PLEKHM3: variants seen among roughly 807,000 people sequenced by gnomAD.
PLEKHM3 encodes pleckstrin homology domain-containing family M member 3.
Under a neutral mutation model 81.8 loss-of-function variants are expected in PLEKHM3, and 45 were observed. The observed-to-expected ratio is 0.55, with a 90% CI of 0.43 to 0.71. The LOEUF (loss-of-function observed/expected upper bound fraction) is 0.71, where lower values mean the gene tolerates loss of function less well. Among genes scored for constraint, PLEKHM3 ranks in the 30% least tolerant of loss-of-function variants. The pLI is 0.00. For synonymous variants in PLEKHM3, 352 were observed against 356.4 expected, an observed-to-expected ratio of 0.99 and a Z score of 0.14; for missense variants, 788 against 924.3, an observed-to-expected ratio of 0.85 and a Z score of 1.91.
At chr2:207,865,804 A>AAATATATG (rs2092496318) in intron 6 of PLEKHM3, among the ~76,000 whole-genome samples, 1 of 30,924 alleles carries the variant, frequency 3.2e-5, no homozygotes, top group Non-Finnish European at 5.9e-5. Context: ...AAAAAAAAAG[A>AAATATATG]TATATATATA....
intron 6 of PLEKHM3, among the ~76,000 whole-genome samples, chr2:207,877,753 A>G (rs1467991120): frequency 6.6e-6 from 1 of 152,210 alleles, no homozygotes; most frequent in Non-Finnish European, 1.5e-5. Flanking sequence ...TGAAGCTACT[A>G]CTGTCTTATC....
At chr2:207,943,741 G>A (rs1484726662) in intron 4 of PLEKHM3, among the ~76,000 whole-genome samples, 2 of 150,512 alleles carry the variant, frequency 1.3e-5, no homozygotes, top group Admixed American at 6.6e-5. Context: ...AGTGGCGGGC[G>A]CCTGTAGTCC....
chr2:207,933,003 A>T (rs1689641824), intron 4 of PLEKHM3, among the ~76,000 whole-genome samples: 1 of 152,236 alleles, frequency 6.6e-6, no homozygotes, highest in Admixed American at 6.5e-5. Flanking sequence ...GCAAAAAAAT[A>T]CATCATTTAA....
intron 3 of PLEKHM3, among the ~76,000 whole-genome samples, chr2:207,959,118 T>A (rs1175782839): frequency 1.3e-5 from 2 of 152,198 alleles, no homozygotes; most frequent in Non-Finnish European, 2.9e-5. Flanking sequence ...AACATATTTT[T>A]AAAATCTTTA....
chr2:208,002,746 C>G (rs1330812650), intron 1 of PLEKHM3, among the ~76,000 whole-genome samples: 1 of 152,098 alleles, frequency 6.6e-6, no homozygotes, highest in Non-Finnish European at 1.5e-5. Context: ...CACTAGATTA[C>G]CAAGACCAGG....
At chr2:207,881,620 C>G (rs961404070) in intron 6 of PLEKHM3, among the ~76,000 whole-genome samples, 1 of 152,144 alleles carries the variant, frequency 6.6e-6, no homozygotes, top group Non-Finnish European at 1.5e-5. Context: ...CTTTTATAAT[C>G]AAGAAAAAAC....
At chr2:208,017,019 T>A (rs1329313249) in intron 1 of PLEKHM3, among the ~76,000 whole-genome samples, 3 of 152,198 alleles carry the variant, frequency 2.0e-5, no homozygotes, top group Non-Finnish European at 4.4e-5. Flanking sequence ...ACTTACAATA[T>A]CTATTACAGT....
At chr2:208,010,205 A>T (rs978224564) in intron 1 of PLEKHM3, among the ~76,000 whole-genome samples, 1 of 152,228 alleles carries the variant, frequency 6.6e-6, no homozygotes, top group Admixed American at 6.5e-5. Context: ...GCACATGTTT[A>T]TTGTTTGCCA....
intron 2 of PLEKHM3, among the ~76,000 whole-genome samples, chr2:207,996,950 CA>C (rs1356746800): frequency 6.6e-6 from 1 of 150,750 alleles, no homozygotes; most frequent in African/African-American, 2.4e-5. Context: ...TGTTTTAACC[CA>C]TTTAATGCTC....
At chr2:207,905,991 C>T (rs1452610269) in intron 6 of PLEKHM3, among the ~76,000 whole-genome samples, 1 of 152,186 alleles carries the variant, frequency 6.6e-6, no homozygotes, top group Non-Finnish European at 1.5e-5. Context: ...AAAAAGCAGG[C>T]TGTATGATTC....
intron 7 of PLEKHM3, among the ~76,000 whole-genome samples, chr2:207,858,638 G>A (rs114917117): frequency 6.6e-6 from 1 of 151,838 alleles, no homozygotes; most frequent in South Asian, 2.1e-4. Flanking sequence ...TTGCCACCAC[G>A]TCCAGCTAAT....
At chr2:207,923,903 ATAT>A (rs1435072489) in intron 5 of PLEKHM3, among the ~76,000 whole-genome samples, 23 of 59,826 alleles carry the variant, frequency 3.8e-4, no homozygotes, top group African/African-American at 1.3e-3. Context: ...ATATATATAT[ATAT>A]TTTTTTTTTT....
At chr2:208,015,546 G>T (rs577440999) in intron 1 of PLEKHM3, among the ~76,000 whole-genome samples, 66 of 152,240 alleles carry the variant, frequency 4.3e-4, no homozygotes, top group African/African-American at 1.5e-3. Context: ...TAGAAGACAG[G>T]TTCCTGAACA....
At chr2:207,947,810 T>C (rs1203533808) in intron 3 of PLEKHM3, among the ~76,000 whole-genome samples, 2 of 152,240 alleles carry the variant, frequency 1.3e-5, no homozygotes, top group East Asian at 3.8e-4. Context: ...ATACATTTAC[T>C]TAACGAACTA....
chr2:207,948,482 A>C (rs1367205665), intron 3 of PLEKHM3, among the ~76,000 whole-genome samples: 1 of 148,110 alleles, frequency 6.8e-6, no homozygotes, highest in African/African-American at 2.5e-5. Flanking sequence ...CAGCCTCCCG[A>C]GTAGCTGGGA....
chr2:207,830,356 G>C (rs1464270227), intron 7 of PLEKHM3, among the ~76,000 whole-genome samples: 6 of 152,126 alleles, frequency 3.9e-5, no homozygotes, highest in African/African-American at 1.4e-4. Context: ...GCTCATGCCT[G>C]TAATCTCAGC....
intron 6 of PLEKHM3, chr2:207,869,720 A>T (rs1037857471): frequency 6.6e-6 from 1 of 152,266 alleles, no homozygotes; most frequent in African/African-American, 2.4e-5. Flanking sequence ...TCTTTTCACC[A>T]TCATTTTAGG....
intron 7 of PLEKHM3, among the ~76,000 whole-genome samples, chr2:207,841,748 TC>T (rs2092355463): frequency 6.6e-6 from 1 of 151,890 alleles, no homozygotes; most frequent in Non-Finnish European, 1.5e-5. Context: ...TGGGTCTATT[TC>T]CATACTTTCT....
At position 207,827,404 on chromosome 2, in the gene PLEKHM3, G is replaced by A. The variant is rs989165541; in HGVS notation, c.*915C>T. 2.0e-5 allele frequency: 3 copies of A among 151,944 alleles called. No homozygotes were observed. Among genetic ancestry groups the A allele is most frequent in the East Asian group, 1.9e-4 (1 of 5,192 alleles). 9.4% of individuals were successfully genotyped at this position (151,944 alleles called of 1,614,324 possible). A position where few individuals can be genotyped will look rare whatever the true frequency, so the allele number is the denominator to read the frequency against. ...AGCCTTATCTACCAGTCTACACGAC[G>A]ATGTCTTTAACAACCACCCCAGGAC... On this transcript the variant is annotated 3_prime_UTR_variant, in exon 8 of 8. Transcript: ENST00000427836.
Sources: gnomAD v4.1 joint callset for allele counts (sites outside exome capture counted in the v4.1 genomes callset) on GRCh38, gnomAD v4.1.1 for gene constraint, MANE v1.5 for transcripts, NCBI Gene and HGNC (gene_info 2026-07-23, HGNC 2026-07-21) for gene names.